The following BMPR2 variants were observed in gnomAD, a reference collection of about 807,000 sequenced individuals.
BMPR2 encodes bone morphogenetic protein receptor type 2, also known as bone morphogenetic protein receptor type-2.
A neutral mutation model predicts 100.8 loss-of-function variants in BMPR2; 29 were observed. The observed-to-expected ratio is 0.29, with a 90% CI of 0.21 to 0.39. The LOEUF (loss-of-function observed/expected upper bound fraction) is 0.39, where lower values mean the gene tolerates loss of function less well. Among genes scored for constraint, BMPR2 ranks in the 10% least tolerant of loss-of-function variants. The pLI is 1.00. For synonymous variants in BMPR2, 382 were observed against 442.3 expected, an observed-to-expected ratio of 0.86 and a Z score of 1.71; for missense variants, 1,011 against 1,274.5, an observed-to-expected ratio of 0.79 and a Z score of 3.15.
chr2:202,479,030 C>T (rs922947308), intron 3 of BMPR2, among the ~76,000 whole-genome samples: 1 of 152,214 alleles, frequency 6.6e-6, no homozygotes, highest in African/African-American at 2.4e-5. Flanking sequence ...CTGGTATTCT[C>T]ACCCTTGTGT....
At chr2:202,377,924 A>G (rs758634823) in intron 1 of BMPR2, among the ~76,000 whole-genome samples, 10 of 152,238 alleles carry the variant, frequency 6.6e-5, no homozygotes, top group Non-Finnish European at 1.3e-4. Context: ...AGATTTTTAA[A>G]ATTATTATTA....
chr2:202,385,566 G>T (rs959783653), intron 1 of BMPR2, among the ~76,000 whole-genome samples: 2 of 149,520 alleles, frequency 1.3e-5, no homozygotes, highest in Admixed American at 1.3e-4. Flanking sequence ...GAGTTTCACT[G>T]TGTTGGCCAG....
At chr2:202,388,396 C>CAAAAAAAAAA (rs71406975) in intron 1 of BMPR2, among the ~76,000 whole-genome samples, 1 of 36,974 alleles carries the variant, frequency 2.7e-5, no homozygotes, top group African/African-American at 1.2e-4. Flanking sequence ...GACTCCATCT[C>CAAAAAAAAAA]AAAAAAAAAA....
intron 3 of BMPR2, chr2:202,474,920 G>C (rs955536798): frequency 3.3e-5 from 5 of 152,004 alleles, no homozygotes; most frequent in Non-Finnish European, 7.4e-5. Context: ...TAACCTGCTT[G>C]TTTATTTGGA....
chr2:202,556,614 T>C, intron 12 of BMPR2, 83 bp downstream of exon 12: 1 of 1,452,750 alleles, frequency 6.9e-7, no homozygotes, highest in Non-Finnish European at 9.5e-7. Context: ...AATAGATATA[T>C]TTCAACTAGT....
chr2:202,521,113 C>A (rs1687811742), intron 7 of BMPR2: 1 of 152,616 alleles, frequency 6.6e-6, no homozygotes, highest in Non-Finnish European at 1.5e-5. Context: ...CTGGGACTTA[C>A]AAAGCTGGAG....
At chr2:202,439,752 CT>C (rs949408508) in intron 1 of BMPR2, among the ~76,000 whole-genome samples, 1 of 144,100 alleles carries the variant, frequency 6.9e-6, no homozygotes, top group Non-Finnish European at 1.5e-5. Context: ...TTTCTTTTTT[CT>C]TTTTTTTTAG....
intron 1 of BMPR2, among the ~76,000 whole-genome samples, chr2:202,452,540 C>A (rs1459697127): frequency 6.6e-6 from 1 of 152,146 alleles, no homozygotes; most frequent in African/African-American, 2.4e-5. Flanking sequence ...TCCCAACTAT[C>A]CAGAGACCAA....
chr2:202,384,721 G>A (rs1378121521), intron 1 of BMPR2, among the ~76,000 whole-genome samples: 2 of 151,876 alleles, frequency 1.3e-5, no homozygotes, highest in African/African-American at 2.4e-5. Flanking sequence ...AGCCTCCTGA[G>A]TAGCTGGGAT....
chr2:202,407,959 G>A lies in BMPR2; in HGVS notation c.76+30409G>A, dbSNP rs370668604. On this transcript the variant is annotated intron_variant, in intron 1 of 12. Transcript: ENST00000374580. Reference sequence around the variant, plus strand: ...CTCCATTCTCCTGCCTCAGCCTCCCGAGTAGCTGGGACTACAGGTGCCCAC... The same window carrying A: ...CTCCATTCTCCTGCCTCAGCCTCCCAAGTAGCTGGGACTACAGGTGCCCAC... 6.0e-4 allele frequency among the ~76,000 whole-genome samples: 90 copies of A among 150,968 alleles called. 1 individual carries two copies. The East Asian group carries it at 0.012, about 20-fold the overall frequency.
intron 1 of BMPR2, among the ~76,000 whole-genome samples, chr2:202,423,896 T>TGCAAACGTTAGCTGGGC (rs1691324586): frequency 6.6e-6 from 1 of 150,968 alleles, no homozygotes; most frequent in South Asian, 2.1e-4. Context: ...CTCTACTAAA[T>TGCAAACGTTAGCTGGGC]ATACAAAAAT....
chr2:202,433,734 C>A (rs1000507937), intron 1 of BMPR2, among the ~76,000 whole-genome samples: 4 of 150,206 alleles, frequency 2.7e-5, no homozygotes, highest in Admixed American at 2.6e-4. Context: ...ATGGTGTAAC[C>A]CCGTCTCTAC....
intron 1 of BMPR2, among the ~76,000 whole-genome samples, chr2:202,403,620 ATTTG>A (rs1174260590): frequency 2.6e-5 from 4 of 152,220 alleles, no homozygotes; most frequent in Non-Finnish European, 5.9e-5. Flanking sequence ...GGGTCATCTT[ATTTG>A]TTCAGATTCT....
At chr2:202,550,857 T>C (rs950810093) in intron 10 of BMPR2, among the ~76,000 whole-genome samples, 8 of 152,040 alleles carry the variant, frequency 5.3e-5, no homozygotes, top group Non-Finnish European at 7.4e-5. Context: ...ATAGTGGCTT[T>C]TATAGTTACC....
rs1248567040 is a variant in BMPR2, at chr2:202,535,038, A to AC, written c.1276+2313dup. 9.3e-5 allele frequency among the ~76,000 whole-genome samples: 10 copies of AC among 107,804 alleles called. 2 individuals are homozygous for AC. Among genetic ancestry groups the AC allele is most frequent in the East Asian group, 2.9e-4 (1 of 3,472 alleles). The allele number at this position is 107,804 out of a possible 152,430, so 70.7% of individuals were successfully genotyped here. On this transcript the variant is annotated intron_variant, in intron 9 of 12. Transcript: ENST00000374580. Reference sequence around the variant, plus strand: ...GGTCGGCTGGCCGGGCGGGTGGCTGACCCCCCCACCTCCCTCCCGGACAGG... The same window carrying AC: ...GGTCGGCTGGCCGGGCGGGTGGCTGACCCCCCCCACCTCCCTCCCGGACAGG...
At position 202,556,083 on chromosome 2, in the gene BMPR2, G is replaced by A. The variant is rs150020118; in HGVS notation, c.2418G>A (p.Met806Ile). The A allele has an allele frequency of 7.4e-6, 12 of 1,614,194 alleles. No homozygotes were observed. The highest frequency in any genetic ancestry group is 7.6e-6 in the Non-Finnish European group (9 of 1,180,042). ...AAEPHVVTVT[M>I]NGVAGRNHSV... ...AACCTCATGTGGTGACAGTCACCAT[G>A]AATGGTGTGGCAGGTAGAAACCACA... Residue 806 changes from methionine (M) to isoleucine (I), a missense_variant, in exon 12 of 13, where the codon ATG (methionine) becomes ATA (isoleucine). Coordinates refer to ENST00000374580, the MANE Select transcript of BMPR2 (RefSeq NM_001204.7).
intron 1 of BMPR2, among the ~76,000 whole-genome samples, chr2:202,394,881 C>T (rs1396246006): frequency 1.1e-5 from 1 of 95,056 alleles, no homozygotes; most frequent in Non-Finnish European, 2.0e-5. Context: ...AAAGTCTTTA[C>T]TTTTTTTTAT....
chr2:202,396,387 T>G (rs1438632723), intron 1 of BMPR2, among the ~76,000 whole-genome samples: 1 of 152,166 alleles, frequency 6.6e-6, no homozygotes, highest in Non-Finnish European at 1.5e-5. Context: ...GAAAGTATTG[T>G]AAGGGGAGTA....
At chr2:202,427,033 A>G (rs1266575712) in intron 1 of BMPR2, among the ~76,000 whole-genome samples, 1 of 152,236 alleles carries the variant, frequency 6.6e-6, no homozygotes, top group East Asian at 1.9e-4. Context: ...AGGACGTGGT[A>G]TATTTAGATG....
Sources: allele counts gnomAD v4.1 joint callset (sites outside exome capture counted in the v4.1 genomes callset), GRCh38; gene constraint gnomAD v4.1.1; transcripts MANE v1.5; gene names NCBI Gene and HGNC (gene_info 2026-07-23, HGNC 2026-07-21).